Variants in PCDHGB1 observed in about 807,000 individuals in gnomAD.
The protein encoded by PCDHGB1 is protocadherin gamma-B1.
Under a neutral mutation model 56.6 loss-of-function variants are expected in PCDHGB1, and 34 were observed. That is an observed-to-expected ratio of 0.60 (90% CI 0.46 to 0.80). The LOEUF (loss-of-function observed/expected upper bound fraction) is 0.80, where lower values mean the gene tolerates loss of function less well. PCDHGB1 is among the 30% of genes least tolerant of loss of function. The pLI is 0.00. For synonymous variants in PCDHGB1, 561 were observed against 505.9 expected (o/e 1.11, Z -1.46); for missense variants, 1,278 against 1,204.6 (o/e 1.06, Z -0.90).
intron 1 of PCDHGB1, chr5:141,419,955 T>C: frequency 1.9e-6 from 3 of 1,614,096 alleles, no homozygotes; most frequent in Non-Finnish European, 2.5e-6. Flanking sequence ...TTGGCCTTGA[T>C]TTCTGTGCTC....
chr5:141,431,216 C>A lies in PCDHGB1; in HGVS notation c.2410-63591C>A. On this transcript the variant is annotated intron_variant, in intron 1 of 3. Coordinates refer to ENST00000523390, the MANE Select transcript of PCDHGB1 (RefSeq NM_018922.3). The surrounding 1 kb of genome is among the most constrained non-coding windows in gnomAD (Gnocchi z 4.8). ...AAATGCAGCCACTGAGATGCGGTTC[C>A]CTCTACCCCACGCCTGGGATCCGGA... The A allele has an allele frequency of 6.2e-7, 1 of 1,614,162 alleles. No homozygotes were observed. The highest frequency in any genetic ancestry group is 8.5e-7 in the Non-Finnish European group (1 of 1,180,048).
intron 1 of PCDHGB1, chr5:141,428,444 T>C (rs2097139811): frequency 5.3e-6 from 2 of 379,264 alleles, no homozygotes; most frequent in Non-Finnish European, 1.0e-5. Context: ...AGACCAGGGG[T>C]TTTTCCCAAC....
In PCDHGB1 at chr5:141,374,581, C is replaced by A; in HGVS notation, c.2409+21912C>A. On this transcript the variant is annotated intron_variant, in intron 1 of 3. Transcript: ENST00000523390. ...ATGACCCTGATGTGGGAATGAACTC[C>A]CTTCAGGGATTTAAGCTCAGTGGTA... The A allele has an allele frequency of 1.9e-6, 3 of 1,613,660 alleles. No homozygotes were observed. In the East Asian group the frequency reaches 6.7e-5, roughly 36 times the overall value.
rs1248867280 is a variant in PCDHGB1 at position 141,511,325 on chromosome 5, C to T, written c.*152C>T. 18 of 1,466,406 alleles carry T rather than the reference C, an allele frequency of 1.2e-5. No homozygotes were observed. Among genetic ancestry groups the T allele is most frequent in the Non-Finnish European group, 1.5e-5 (17 of 1,099,872 alleles). 90.8% of individuals were successfully genotyped at this position (1,466,406 alleles called of 1,614,324 possible). A position where few individuals can be genotyped will look rare whatever the true frequency, so the allele number is the denominator to read the frequency against. On this transcript the variant is annotated 3_prime_UTR_variant, in exon 4 of 4. Coordinates refer to ENST00000523390, the MANE Select transcript of PCDHGB1 (RefSeq NM_018922.3). ...TCCCCTTGGGAAACAGAAACAAGTG[C>T]CCAGTCAGCACCTACCCCTTCCCCC...
chr5:141,434,938 A>G (rs938787407), intron 1 of PCDHGB1, among the ~76,000 whole-genome samples: 2 of 151,738 alleles, frequency 1.3e-5, no homozygotes, highest in Admixed American at 1.3e-4. Flanking sequence ...TATATAATAG[A>G]TATAATTTAT....
At chr5:141,423,398 G>T in intron 1 of PCDHGB1, 7 of 1,614,172 alleles carry the variant, frequency 4.3e-6, no homozygotes, top group Non-Finnish European at 5.9e-6. Flanking sequence ...CATAAGTCAC[G>T]CCTGCTGCAG....
chr5:141,366,312 C>T (rs889893498), intron 1 of PCDHGB1: 5 of 1,613,630 alleles, frequency 3.1e-6, no homozygotes, highest in Admixed American at 3.3e-5. Flanking sequence ...TTCACGGTCA[C>T]CGTTGCCGTG....
intron 1 of PCDHGB1, chr5:141,366,279 G>T: frequency 6.2e-7 from 1 of 1,613,692 alleles, no homozygotes; most frequent in Non-Finnish European, 8.5e-7. Context: ...GAAGACCATG[G>T]CCAGCCCCCT....
At chr5:141,384,568 G>A (rs1780218340) in intron 1 of PCDHGB1, 1 of 1,614,118 alleles carries the variant, frequency 6.2e-7, no homozygotes, top group Non-Finnish European at 8.5e-7. Context: ...GGACCAGAAT[G>A]ACAACCCGCC....
chr5:141,457,944 C>A (rs761151349), intron 1 of PCDHGB1, among the ~76,000 whole-genome samples: 33 of 152,310 alleles, frequency 2.2e-4, no homozygotes, highest in Non-Finnish European at 4.6e-4. Context: ...ATTGGCTCTG[C>A]ATGTCAAGCT....
intron 1 of PCDHGB1, chr5:141,478,291 C>T: frequency 1.9e-6 from 3 of 1,614,144 alleles, no homozygotes; most frequent in East Asian, 2.2e-5. Context: ...AGTCTAGAGA[C>T]CTATACCGAG....
At chr5:141,389,320 T>TG (rs764190187) in intron 1 of PCDHGB1, 4 of 1,613,964 alleles carry the variant, frequency 2.5e-6, no homozygotes, top group Non-Finnish European at 3.4e-6. Context: ...GATCCGGACT[T>TG]GGGGCCCAAC....
At chr5:141,461,817 C>A (rs2099023873) in intron 1 of PCDHGB1, among the ~76,000 whole-genome samples, 1 of 150,844 alleles carries the variant, frequency 6.6e-6, no homozygotes, top group South Asian at 2.1e-4. Flanking sequence ...CCACACCCAG[C>A]TAATTTTTTT....
chr5:141,487,162 G>T lies in PCDHGB1; in HGVS notation c.2410-7645G>T, dbSNP rs2099640627. 6.2e-7 allele frequency: 1 copy of T among 1,613,496 alleles called. No individual in the cohort carries two copies. Among genetic ancestry groups the T allele is most frequent in the African/African-American group, 1.3e-5 (1 of 75,026 alleles). On this transcript the variant is annotated intron_variant, in intron 1 of 3. Transcript: ENST00000523390. This position sits in a 1 kb window ranked among gnomAD's most constrained non-coding sequence, Gnocchi z 5.0. ...TCTCTACCTCTGTTACTCTCTTAGTGTCCTTAGAGGAAGACACTCATCCAG... is the reference window on the plus strand; with the variant it reads ...TCTCTACCTCTGTTACTCTCTTAGTTTCCTTAGAGGAAGACACTCATCCAG...
intron 1 of PCDHGB1, among the ~76,000 whole-genome samples, chr5:141,401,290 C>T (rs1460193254): frequency 6.6e-6 from 1 of 151,710 alleles, no homozygotes; most frequent in Non-Finnish European, 1.5e-5. Flanking sequence ...TGCGGTGAGC[C>T]GAGATCACTC....
chr5:141,427,782 T>G, intron 1 of PCDHGB1: 1 of 1,459,986 alleles, frequency 6.8e-7, no homozygotes, highest in Middle Eastern at 1.7e-4. Context: ...GCGGGCACTG[T>G]CGTCCTACGT....
chr5:141,399,506 A>G, intron 1 of PCDHGB1: 1 of 1,613,982 alleles, frequency 6.2e-7, no homozygotes, highest in Non-Finnish European at 8.5e-7. Flanking sequence ...GTACCCGAAA[A>G]CAACCCTCCT....
intron 1 of PCDHGB1, 43 bp downstream of exon 1, chr5:141,352,712 G>T (rs1182377694): frequency 1.9e-6 from 3 of 1,540,742 alleles, no homozygotes; most frequent in South Asian, 1.2e-5. Flanking sequence ...TATGGCGGCC[G>T]GGCGCGGTGG....
At chr5:141,366,499 C>G (rs1245088091) in intron 1 of PCDHGB1, 2 of 1,614,262 alleles carry the variant, frequency 1.2e-6, no homozygotes, top group Non-Finnish European at 1.7e-6. Context: ...ACAAGTCACG[C>G]CTGCTTCAGG....
Sources: gnomAD v4.1 joint callset for allele counts (sites outside exome capture counted in the v4.1 genomes callset) on GRCh38, gnomAD v4.1.1 for gene constraint, Gnocchi (gnomAD v3.1) non-coding constraint, MANE v1.5 for transcripts, NCBI Gene and HGNC (gene_info 2026-07-23, HGNC 2026-07-21) for gene names.